CENPI: variants seen among roughly 807,000 people sequenced by gnomAD.
CENPI encodes centromere protein I, also known as FSH primary response 1.
In CENPI, 4 loss-of-function variants were observed where a neutral mutation model predicts 60.4. The observed-to-expected ratio is 0.07, with a 90% CI of 0.03 to 0.15. CENPI has a LOEUF of 0.15. Ranked by LOEUF, CENPI falls within the 10% of genes least tolerant of loss-of-function variation. The pLI, the probability that CENPI is intolerant of heterozygous loss-of-function variation, is 1.00. For missense variants in CENPI, 444 were observed against 534.5 expected (o/e 0.83, Z 1.67); for synonymous variants, 157 against 189.4 (o/e 0.83, Z 1.40).
At chrX:101,173,868 G>A in the CENPI span, among the ~76,000 whole-genome samples, 33 of 110,646 alleles carry the variant, frequency 3.0e-4, no homozygotes, top group Admixed American at 3.0e-3. Flanking sequence ...TCAGACAAAC[G>A]TCTAATATCC....
Position 101,127,124 on chromosome X carries a change from A to G in CENPI, c.778-14A>G. On this transcript the variant is annotated splice_polypyrimidine_tract_variant and intron_variant, in intron 9 of 21. Transcript: ENST00000682095. ...GGGTACCTACTCTCTTGTACTTTAT[A>G]TCCAAATTTATAGATATATTTTAAG... 1.7e-6 allele frequency: 2 copies of G among 1,149,346 alleles called. No homozygotes were observed. Among genetic ancestry groups the G allele is most frequent in the Non-Finnish European group, 2.3e-6 (2 of 862,385 alleles). 94.7% of individuals were successfully genotyped at this position (1,149,346 alleles called of 1,213,427 possible).
chrX:101,116,591 T>C (rs1157873993), intron 6 of CENPI, among the ~76,000 whole-genome samples: 1 of 111,943 alleles, frequency 8.9e-6, no homozygotes, highest in African/African-American at 3.2e-5. Context: ...ATGTTGGACA[T>C]TTGAGTTGTT....
downstream of CENPI, among the ~76,000 whole-genome samples, chrX:101,169,383 A>T (rs2090151590): frequency 8.9e-6 from 1 of 112,336 alleles, no homozygotes; most frequent in South Asian, 3.7e-4. Flanking sequence ...GATTGACAAC[A>T]TGTATGGTGG....
At chrX:101,116,380 G>A (rs1397148444) in intron 6 of CENPI, among the ~76,000 whole-genome samples, 1 of 109,785 alleles carries the variant, frequency 9.1e-6, no homozygotes, top group Non-Finnish European at 1.9e-5. Flanking sequence ...AATGTGGCCC[G>A]GATAACAAAA....
the CENPI span, among the ~76,000 whole-genome samples, chrX:101,178,204 G>C: frequency 5.4e-5 from 6 of 110,389 alleles, no homozygotes; most frequent in Admixed American, 5.8e-4. Context: ...AGGCTGCTTC[G>C]CATCCCTCTC....
chrX:101,159,386 TCTC>T (rs1024867110), intron 20 of CENPI, among the ~76,000 whole-genome samples: 1 of 109,833 alleles, frequency 9.1e-6, no homozygotes, highest in Non-Finnish European at 1.9e-5. Context: ...ACGGTCTTGA[TCTC>T]CTGACCTCGT....
At chrX:101,150,757 C>T (rs943706136) in intron 20 of CENPI, among the ~76,000 whole-genome samples, 5 of 110,999 alleles carry the variant, frequency 4.5e-5, no homozygotes, top group African/African-American at 9.8e-5. Context: ...GTCCTTTCCT[C>T]TTCCATCTTT....
chrX:101,125,900 C>T (rs185135794), intron 8 of CENPI, among the ~76,000 whole-genome samples: 138 of 111,852 alleles, frequency 1.2e-3, no homozygotes, highest in Middle Eastern at 4.6e-3. Flanking sequence ...AAAAAGCATT[C>T]TAGCTCAAAA....
Position 101,102,263 on chromosome X carries a change from T to A in CENPI, c.227-11T>A. On this transcript the variant is annotated splice_polypyrimidine_tract_variant and intron_variant, in intron 3 of 21. Coordinates refer to ENST00000682095, the MANE Select transcript of CENPI (RefSeq NM_001386188.2). ...AAAGGTCTCACTATTTAATATTGTT[T>A]CTTTTTTCAGGTCCCATTAAAGCTT... is the stretch of plus-strand genomic sequence containing the variant. The A allele has an allele frequency of 8.7e-7, 1 of 1,145,177 alleles. No individual in the cohort carries two copies. Among genetic ancestry groups the A allele is most frequent in the South Asian group, 2.0e-5 (1 of 50,175 alleles). 94.4% of individuals were successfully genotyped at this position (1,145,177 alleles called of 1,213,427 possible). A position where few individuals can be genotyped will look rare whatever the true frequency, so the allele number is the denominator to read the frequency against.
chrX:101,114,796 C>T (rs1299173473), intron 6 of CENPI, among the ~76,000 whole-genome samples: 5 of 109,854 alleles, frequency 4.6e-5, no homozygotes, highest in South Asian at 3.9e-4. Context: ...TGTGCCACCA[C>T]GCCTGGCTAA....
At chrX:101,113,612 T>TA (rs1314565269) in intron 6 of CENPI, among the ~76,000 whole-genome samples, 1 of 112,120 alleles carries the variant, frequency 8.9e-6, no homozygotes, top group African/African-American at 3.2e-5. Flanking sequence ...GCCTGGCCGA[T>TA]ACTATTTTTA....
chrX:101,104,824 G>C (rs896171234), intron 4 of CENPI, among the ~76,000 whole-genome samples: 1 of 107,554 alleles, frequency 9.3e-6, no homozygotes, highest in African/African-American at 3.4e-5. Context: ...ACTCCAGTGT[G>C]GGCCACAGAG....
intron 15 of CENPI, among the ~76,000 whole-genome samples, chrX:101,138,089 G>C (rs1201150354): frequency 1.1e-5 from 1 of 89,246 alleles, no homozygotes; most frequent in Non-Finnish European, 2.2e-5. Context: ...CCAGGTTCAA[G>C]TGATTCTCCT....
intron 20 of CENPI, among the ~76,000 whole-genome samples, chrX:101,155,601 T>A (rs1477732416): frequency 8.9e-6 from 1 of 112,250 alleles, no homozygotes; most frequent in African/African-American, 3.2e-5. Context: ...TATATTCCAT[T>A]AATTGAGGTT....
chrX:101,124,654 C>T (rs897567595), intron 8 of CENPI, among the ~76,000 whole-genome samples: 2 of 110,915 alleles, frequency 1.8e-5, no homozygotes, highest in Non-Finnish European at 3.8e-5. Flanking sequence ...ATCATGGGGG[C>T]GGTTTCCCCC....
chrX:101,172,509 A>T, the CENPI span, among the ~76,000 whole-genome samples: 96 of 111,651 alleles, frequency 8.6e-4, 1 homozygote, highest in African/African-American at 3.0e-3. Context: ...CAAAGACACT[A>T]TGCTATATGA....
At chrX:101,128,955 AT>A in intron 12 of CENPI, 119 bp downstream of exon 12, 1 of 578,342 alleles carries the variant, frequency 1.7e-6, no homozygotes, top group Non-Finnish European at 2.7e-6. Context: ...GTAATCTTAT[AT>A]TTAGAGCATG....
chrX:101,140,619 A>G (rs2089906773), intron 15 of CENPI, 47 bp from the exon 16 acceptor site: 1 of 906,653 alleles, frequency 1.1e-6, no homozygotes, highest in East Asian at 3.1e-5. Flanking sequence ...GAACACTGTT[A>G]TGTCTGAATG....
chrX:101,165,640 C>G lies in CENPI; in HGVS notation c.*2673C>G, dbSNP rs1159191576. The stretch of plus-strand genomic sequence containing the variant: ...TGACTTTGGATGAGATCACCTAGTA[C>G]AGCTAGAGAAGAGAAGGTAGCAAAA... On this transcript the variant is annotated 3_prime_UTR_variant, in exon 22 of 22. Coordinates refer to ENST00000682095, the MANE Select transcript of CENPI (RefSeq NM_001386188.2). Among the ~76,000 whole-genome samples the G allele has an allele frequency of 2.7e-5, 3 of 111,226 alleles. No homozygotes were observed. Among genetic ancestry groups the G allele is most frequent in the Non-Finnish European group, 3.8e-5 (2 of 53,061 alleles).
Sources: allele counts gnomAD v4.1 joint callset (sites outside exome capture counted in the v4.1 genomes callset), GRCh38; gene constraint gnomAD v4.1.1; transcripts MANE v1.5; gene names NCBI Gene and HGNC (gene_info 2026-07-23, HGNC 2026-07-21).